The following AAK1 variants were observed in gnomAD, a reference collection of about 807,000 sequenced individuals.
The protein encoded by AAK1 is AP2 associated kinase 1.
A neutral mutation model predicts 116.0 loss-of-function variants in AAK1; 37 were observed. The ratio of observed to expected loss-of-function variants is 0.32; its 90% CI spans 0.25 to 0.42. The LOEUF (loss-of-function observed/expected upper bound fraction) is 0.42, where lower values mean the gene tolerates loss of function less well. AAK1 is among the 10% of genes least tolerant of loss of function. AAK1 has a pLI of 1.00. For missense variants in AAK1, 919 were observed against 1,170.6 expected (o/e 0.79, Z 3.14); for synonymous variants, 458 against 439.9 (o/e 1.04, Z -0.51).
At chr2:69,489,426 G>A (rs1301663007) in intron 17 of AAK1, among the ~76,000 whole-genome samples, 1 of 150,140 alleles carries the variant, frequency 6.7e-6, no homozygotes, top group Non-Finnish European at 1.5e-5. Flanking sequence ...ACTCCAGACT[G>A]GGCGACAGAG....
chr2:69,599,293 T>G (rs1408998716), intron 2 of AAK1, among the ~76,000 whole-genome samples: 2 of 151,798 alleles, frequency 1.3e-5, no homozygotes, highest in African/African-American at 4.8e-5. Context: ...AAGAAAGCAA[T>G]GTAGAGTTTT....
rs948763053 is a variant in AAK1, at chr2:69,463,360, T to G, written c.*12509A>C. On this transcript the variant is annotated 3_prime_UTR_variant, in exon 22 of 22. Coordinates refer to ENST00000409085, the MANE Select transcript of AAK1 (RefSeq NM_014911.5). ...CATTGAGATACAGGCTTTATTTTTATTATTATATTTTTGGAGACAGTGTCT... is the reference window on the plus strand; with the variant it reads ...CATTGAGATACAGGCTTTATTTTTAGTATTATATTTTTGGAGACAGTGTCT... 3.9e-5 allele frequency: 6 copies of G among 152,154 alleles called. No individual in the cohort carries two copies. Among genetic ancestry groups the G allele is most frequent in the African/African-American group, 9.7e-5 (4 of 41,432 alleles). 9.4% of individuals were successfully genotyped at this position (152,154 alleles called of 1,614,324 possible). A position where few individuals can be genotyped will look rare whatever the true frequency, so the allele number is the denominator to read the frequency against.
chr2:69,641,598 C>T (rs1675728012), intron 2 of AAK1, among the ~76,000 whole-genome samples: 1 of 152,090 alleles, frequency 6.6e-6, no homozygotes, highest in African/African-American at 2.4e-5. Flanking sequence ...AACTCTATTC[C>T]CAGAAAACTG....
chr2:69,562,648 T>C (rs373557195), intron 2 of AAK1, among the ~76,000 whole-genome samples: 1 of 152,104 alleles, frequency 6.6e-6, no homozygotes, highest in South Asian at 2.1e-4. Flanking sequence ...TCCCAGCATT[T>C]TGGGAGGTCG....
rs1175674000 is a variant in AAK1 at position 69,477,005 on chromosome 2, CA to C, written c.2681-16del. 1.9e-6 allele frequency: 3 copies of C among 1,557,166 alleles called. No individual in the cohort carries two copies. The highest frequency in any genetic ancestry group is 2.6e-6 in the Non-Finnish European group (3 of 1,135,002). On this transcript the variant is annotated splice_polypyrimidine_tract_variant and intron_variant, in intron 20 of 21. Coordinates refer to ENST00000409085, the MANE Select transcript of AAK1 (RefSeq NM_014911.5). Reference sequence around the variant, plus strand: ...ATCTTCTGCAGCTTAATACAGAATGCAAGTACACAAGCAGAAACAACAGAGG... The same window carrying C: ...ATCTTCTGCAGCTTAATACAGAATGCAGTACACAAGCAGAAACAACAGAGG...
In AAK1 at chr2:69,459,891, A is replaced by G. The variant is rs1409844207; in HGVS notation, c.*15978T>C. On this transcript the variant is annotated 3_prime_UTR_variant, in exon 22 of 22. Transcript: ENST00000409085. ...TTGCAAGTGTTCTTGGTGGTTAAAA[A>G]ACAAAACAAAACTACAAGTATCAGC... 2 of 152,182 alleles carry G rather than the reference A, an allele frequency of 1.3e-5. No individual in the cohort carries two copies. Among genetic ancestry groups the G allele is most frequent in the Non-Finnish European group, 2.9e-5 (2 of 68,030 alleles). 9.4% of individuals were successfully genotyped at this position (152,182 alleles called of 1,614,324 possible).
chr2:69,559,863 G>C (rs562264536), intron 2 of AAK1, among the ~76,000 whole-genome samples: 2 of 152,206 alleles, frequency 1.3e-5, no homozygotes, highest in Non-Finnish European at 2.9e-5. Flanking sequence ...GCTGCAATTT[G>C]AGATAACTAC....
intron 2 of AAK1, among the ~76,000 whole-genome samples, chr2:69,640,203 A>G (rs1675658581): frequency 6.6e-6 from 1 of 152,110 alleles, no homozygotes; most frequent in African/African-American, 2.4e-5. Flanking sequence ...CAGCCCATTA[A>G]GCAGTGGTTC....
intron 2 of AAK1, among the ~76,000 whole-genome samples, chr2:69,641,509 T>C (rs1029546124): frequency 1.3e-5 from 2 of 152,282 alleles, no homozygotes; most frequent in Non-Finnish European, 2.9e-5. Context: ...AGTACTGAGA[T>C]TGGAAGAGCA....
intron 5 of AAK1, among the ~76,000 whole-genome samples, chr2:69,533,466 CTTTT>C (rs1381893426): frequency 6.6e-6 from 1 of 152,148 alleles, no homozygotes; most frequent in Non-Finnish European, 1.5e-5. Context: ...TCTATACTTT[CTTTT>C]AATTCTTCTA....
intron 16 of AAK1, among the ~76,000 whole-genome samples, chr2:69,503,861 T>C (rs1676070097): frequency 6.6e-6 from 1 of 152,140 alleles, no homozygotes; most frequent in South Asian, 2.1e-4. Flanking sequence ...TAGCTGGGCA[T>C]GGTGGCACAT....
intron 2 of AAK1, among the ~76,000 whole-genome samples, chr2:69,613,974 C>T (rs745560769): frequency 2.0e-5 from 3 of 152,212 alleles, no homozygotes; most frequent in Non-Finnish European, 2.9e-5. Flanking sequence ...CTGAAGCTAA[C>T]TCCAAATAGA....
intron 2 of AAK1, among the ~76,000 whole-genome samples, chr2:69,562,365 C>A (rs1671678123): frequency 6.6e-6 from 1 of 152,206 alleles, no homozygotes; most frequent in South Asian, 2.1e-4. Context: ...CTTCCCATCA[C>A]TTTCCTGATA....
chr2:69,640,081 C>CTCTCTCTCTCTCT (rs542823509), intron 2 of AAK1, among the ~76,000 whole-genome samples: 5 of 121,770 alleles, frequency 4.1e-5, no homozygotes, highest in African/African-American at 1.2e-4. Flanking sequence ...TCTCTCTCTC[C>CTCTCTCTCTCTCT]CCCCCCACAT....
At chr2:69,534,397 T>C (rs553701544) in intron 5 of AAK1, among the ~76,000 whole-genome samples, 3 of 152,250 alleles carry the variant, frequency 2.0e-5, no homozygotes, top group Non-Finnish European at 4.4e-5. Flanking sequence ...ACTTGTCTAA[T>C]GCATTGGGTG....
chr2:69,469,915 T>C lies in AAK1; in HGVS notation c.*5954A>G, dbSNP rs910312425. The C allele has an allele frequency of 1.4e-5, 14 of 985,334 alleles. No individual in the cohort carries two copies. In the African/African-American group the frequency reaches 2.1e-4, roughly 15 times the overall value. 61.0% of individuals were successfully genotyped at this position (985,334 alleles called of 1,614,324 possible). Reference sequence around the variant, plus strand: ...ATGTAGATTTCAGCAAGAACTCACATGCTTCAGGGAAGAGAAGGAGTTCCT... The same window carrying C: ...ATGTAGATTTCAGCAAGAACTCACACGCTTCAGGGAAGAGAAGGAGTTCCT... On this transcript the variant is annotated 3_prime_UTR_variant, in exon 22 of 22. Coordinates refer to ENST00000409085, the MANE Select transcript of AAK1 (RefSeq NM_014911.5).
chr2:69,522,751 C>G (rs937237560), intron 10 of AAK1, among the ~76,000 whole-genome samples: 1 of 151,724 alleles, frequency 6.6e-6, no homozygotes, highest in Non-Finnish European at 1.5e-5. Context: ...TTGCAGTGAG[C>G]CAAGATCACG....
intron 2 of AAK1, among the ~76,000 whole-genome samples, chr2:69,560,448 G>A (rs1210462184): frequency 6.6e-6 from 1 of 152,180 alleles, no homozygotes; most frequent in Non-Finnish European, 1.5e-5. Flanking sequence ...TTTGGACAGA[G>A]GTAAGAAAAT....
intron 2 of AAK1, among the ~76,000 whole-genome samples, chr2:69,561,740 A>T (rs919829100): frequency 6.6e-6 from 1 of 152,046 alleles, no homozygotes; most frequent in African/African-American, 2.4e-5. Flanking sequence ...CTTTGCAGAC[A>T]ATCTCCCCTC....
Sources: allele counts gnomAD v4.1 joint callset (sites outside exome capture counted in the v4.1 genomes callset), GRCh38; gene constraint gnomAD v4.1.1; transcripts MANE v1.5; gene names NCBI Gene and HGNC (gene_info 2026-07-23, HGNC 2026-07-21).